UNC79: variants seen among roughly 807,000 people sequenced by gnomAD.
The protein encoded by UNC79 is protein unc-79 homolog.
A neutral mutation model predicts 283.1 loss-of-function variants in UNC79; 37 were observed. The ratio of observed to expected loss-of-function variants is 0.13; its 90% CI spans 0.10 to 0.17. UNC79 has a LOEUF of 0.17. Among genes scored for constraint, UNC79 ranks in the 10% least tolerant of loss-of-function variants. The pLI is 1.00. For missense variants in UNC79, 2,272 were observed against 3,211.1 expected (o/e 0.71, Z 7.07); for synonymous variants, 1,107 against 1,200.2 (o/e 0.92, Z 1.61).
intron 40 of UNC79, among the ~76,000 whole-genome samples, chr14:93,665,163 ATACTT>A (rs1410146641): frequency 3.3e-5 from 5 of 149,838 alleles, no homozygotes; most frequent in African/African-American, 1.2e-4. Context: ...CTAAATGACT[ATACTT>A]TAAATGATAA....
intron 1 of UNC79, among the ~76,000 whole-genome samples, chr14:93,373,790 C>A (rs1434984175): frequency 6.6e-6 from 1 of 152,070 alleles, no homozygotes; most frequent in Non-Finnish European, 1.5e-5. Context: ...CAGACAAAAA[C>A]ATTATAAGAA....
At chr14:93,410,936 A>T (rs1023128564) in intron 1 of UNC79, among the ~76,000 whole-genome samples, 2 of 151,852 alleles carry the variant, frequency 1.3e-5, no homozygotes, top group African/African-American at 4.8e-5. Flanking sequence ...GAGGAAAAAG[A>T]AAAGCAGACT....
intron 1 of UNC79, among the ~76,000 whole-genome samples, chr14:93,447,406 TC>T (rs1413849207): frequency 6.6e-6 from 1 of 152,160 alleles, no homozygotes; most frequent in Non-Finnish European, 1.5e-5. Flanking sequence ...TAGGCCCATA[TC>T]CCTCTTTATT....
chr14:93,390,035 C>T (rs192617261), intron 1 of UNC79, among the ~76,000 whole-genome samples: 2 of 152,310 alleles, frequency 1.3e-5, no homozygotes, highest in Admixed American at 6.5e-5. Context: ...ATAGGTTAAT[C>T]TCTCTCATGA....
In UNC79 at chr14:93,579,601, C is replaced by T. The variant is rs1008436239; in HGVS notation, c.2434-548C>T. On this transcript the variant is annotated intron_variant, in intron 18 of 48. Transcript: ENST00000555664. ...CTGTATTTTGATGCTCGTATTGTTC[C>T]GCATTTGGCCAGTGGGAATCTTTTC... Among the ~76,000 whole-genome samples, 4 of 152,114 alleles carry T rather than the reference C, an allele frequency of 2.6e-5. No individual in the cohort carries two copies. In the South Asian group the frequency reaches 8.3e-4, roughly 32 times the overall value.
chr14:93,626,386 G>A (rs1261015798), intron 30 of UNC79, among the ~76,000 whole-genome samples: 1 of 152,048 alleles, frequency 6.6e-6, no homozygotes, highest in African/African-American at 2.4e-5. Context: ...ATGTGGACAC[G>A]ATTCTATCTC....
At chr14:93,549,902 T>C (rs1391434962) in intron 14 of UNC79, among the ~76,000 whole-genome samples, 1 of 152,224 alleles carries the variant, frequency 6.6e-6, no homozygotes. Flanking sequence ...ACTTAGAATA[T>C]GTAAGAAGAC....
chr14:93,529,748 TG>T (rs943432570), intron 10 of UNC79, among the ~76,000 whole-genome samples: 1 of 151,972 alleles, frequency 6.6e-6, no homozygotes, highest in African/African-American at 2.4e-5. Context: ...TACCATGTTG[TG>T]GGGGGGAAAT....
chr14:93,414,891 A>G (rs923006613), intron 1 of UNC79, among the ~76,000 whole-genome samples: 6 of 152,192 alleles, frequency 3.9e-5, no homozygotes, highest in African/African-American at 1.4e-4. Flanking sequence ...ACTTTGCTGA[A>G]GTTGCTTATC....
At chr14:93,392,432 G>T (rs1163356176) in intron 1 of UNC79, among the ~76,000 whole-genome samples, 1 of 152,132 alleles carries the variant, frequency 6.6e-6, no homozygotes, top group East Asian at 1.9e-4. Flanking sequence ...GATTAAAAAA[G>T]AAATGAACAC....
intron 35 of UNC79, among the ~76,000 whole-genome samples, chr14:93,649,987 C>T (rs1283424541): frequency 6.6e-6 from 1 of 152,154 alleles, no homozygotes; most frequent in Non-Finnish European, 1.5e-5. Flanking sequence ...AATCTCTACC[C>T]CCATAGAGGC....
intron 1 of UNC79, among the ~76,000 whole-genome samples, chr14:93,392,525 C>G (rs1019741889): frequency 2.0e-5 from 3 of 152,116 alleles, no homozygotes; most frequent in African/African-American, 7.2e-5. Flanking sequence ...TCATATTTCT[C>G]AATATTTATG....
chr14:93,475,010 A>C (rs1354935479), intron 3 of UNC79, among the ~76,000 whole-genome samples: 1 of 152,230 alleles, frequency 6.6e-6, no homozygotes, highest in Non-Finnish European at 1.5e-5. Context: ...TGCTATTTGC[A>C]GTATGTATAC....
At chr14:93,400,600 G>T (rs1280709707) in intron 1 of UNC79, among the ~76,000 whole-genome samples, 1 of 152,120 alleles carries the variant, frequency 6.6e-6, no homozygotes, top group Non-Finnish European at 1.5e-5. Context: ...TGTAGGGAAG[G>T]GATGACGTGA....
rs139281855 is a variant in UNC79 at position 93,470,334 on chromosome 14, A to C, written c.143+2543A>C. 9.3e-4 allele frequency among the ~76,000 whole-genome samples: 142 copies of C among 152,314 alleles called. 2 individuals are homozygous for C. In the Middle Eastern group the frequency reaches 0.01, roughly 11 times the overall value. ...TTTCAAAAGGCAGAAATTAGCTTAG[A>C]CATTTAACTTCGATTTATTTAATTT... is the stretch of plus-strand genomic sequence containing the variant. On this transcript the variant is annotated intron_variant, in intron 2 of 48. Coordinates refer to ENST00000555664, the Ensembl canonical transcript of UNC79.
chr14:93,550,476 C>G (rs1257439566), intron 14 of UNC79, among the ~76,000 whole-genome samples: 1 of 138,000 alleles, frequency 7.2e-6, no homozygotes, highest in Non-Finnish European at 1.5e-5. Flanking sequence ...GATCGCGGCT[C>G]TGCACTCCAG....
At chr14:93,359,414 C>T (rs1193804296) in intron 1 of UNC79, among the ~76,000 whole-genome samples, 1 of 152,200 alleles carries the variant, frequency 6.6e-6, no homozygotes, top group Admixed American at 6.5e-5. Flanking sequence ...AATTGCTCTT[C>T]TCCGTATGTC....
At chr14:93,463,898 C>T (rs2057052536) in intron 1 of UNC79, among the ~76,000 whole-genome samples, 1 of 152,104 alleles carries the variant, frequency 6.6e-6, no homozygotes, top group Non-Finnish European at 1.5e-5. Flanking sequence ...GCTTGTAATC[C>T]CAGCACTTTG....
intron 1 of UNC79, among the ~76,000 whole-genome samples, chr14:93,418,316 G>A (rs557700862): frequency 5.9e-4 from 89 of 151,796 alleles, no homozygotes; most frequent in African/African-American, 2.0e-3. Context: ...TACCAGCAGC[G>A]GTGGCTGCAG....
Sources: allele counts gnomAD v4.1 joint callset (sites outside exome capture counted in the v4.1 genomes callset), GRCh38; gene constraint gnomAD v4.1.1; transcripts MANE v1.5; gene names NCBI Gene and HGNC (gene_info 2026-07-23, HGNC 2026-07-21).